HOTAIR: variants seen among roughly 807,000 people sequenced by gnomAD.
The protein encoded by HOTAIR is HOX transcript antisense RNA (non-protein coding).
rs1222020729 is a variant in HOTAIR at position 53,973,553 on chromosome 12, C to T, written n.59+1345G>A. 1 of 1,613,096 alleles carries T rather than the reference C, an allele frequency of 6.2e-7. No homozygotes were observed. The highest frequency in any genetic ancestry group is 1.7e-5 in the Admixed American group (1 of 60,030). On this transcript the variant is annotated intron_variant and non_coding_transcript_variant, in intron 1 of 6. Coordinates refer to ENST00000424518, the Ensembl canonical transcript of HOTAIR. The surrounding 1 kb of genome is among the most constrained non-coding windows in gnomAD (Gnocchi z 4.3). ...CCGACGAGCTTATGCACCGGGAGTG[C>T]CTGCCTCCTTCCACCGTCACCGAGA...
At chr12:53,974,051 A>G in intron 1 of HOTAIR, 1 of 603,546 alleles carries the variant, frequency 1.7e-6, no homozygotes, top group East Asian at 3.9e-5. Flanking sequence ...TTTTATGTGG[A>G]GTTTTATAAG....
chr12:53,963,450 C>A (rs1349299764), exon 7 of HOTAIR: 11 of 152,270 alleles, frequency 7.2e-5, no homozygotes, highest in Admixed American at 3.9e-4. Context: ...CCAGAACCCT[C>A]TGACATTTGC....
rs919338272 is a variant in HOTAIR at position 53,973,072 on chromosome 12, C to G, written n.59+1826G>C. ...GATCTTACCTAAGAGAGAACCCCTC[C>G]TACGTCTGCGAAGTGCTCCGAACTG... is the stretch of plus-strand genomic sequence containing the variant. On this transcript the variant is annotated intron_variant and non_coding_transcript_variant, in intron 1 of 6. Transcript: ENST00000424518. This position sits in a 1 kb window ranked among gnomAD's most constrained non-coding sequence, Gnocchi z 4.3. 1.8e-6 allele frequency: 1 copy of G among 560,674 alleles called. No homozygotes were observed. Among genetic ancestry groups the G allele is most frequent in the Non-Finnish European group, 3.1e-6 (1 of 323,154 alleles). 34.7% of individuals were successfully genotyped at this position (560,674 alleles called of 1,614,324 possible).
chr12:53,969,040 A>G (rs1939107380), intron 1 of HOTAIR: 1 of 152,250 alleles, frequency 6.6e-6, no homozygotes, highest in Non-Finnish European at 1.5e-5. Context: ...GCCTTAATGT[A>G]GGAGCTAAAG....
intron 1 of HOTAIR, among the ~76,000 whole-genome samples, chr12:53,972,669 A>G (rs535812597): frequency 1.3e-5 from 2 of 152,272 alleles, no homozygotes; most frequent in South Asian, 2.1e-4. Flanking sequence ...TGCGGGTTGG[A>G]AGGGTAAGAG....
intron 1 of HOTAIR, chr12:53,974,038 C>A: frequency 1.3e-6 from 1 of 799,280 alleles, no homozygotes; most frequent in Non-Finnish European, 1.9e-6. Context: ...TGGGTCAGTC[C>A]GATTTTATGT....
chr12:53,967,760 G>T (rs919445267), intron 2 of HOTAIR, among the ~76,000 whole-genome samples: 27 of 152,194 alleles, frequency 1.8e-4, no homozygotes, highest in African/African-American at 6.0e-4. Flanking sequence ...CCCCTAGTGT[G>T]GGAAAGATAG....
Position 53,973,919 on chromosome 12 carries a change from C to T in HOTAIR, n.59+979G>A. On this transcript the variant is annotated intron_variant and non_coding_transcript_variant, in intron 1 of 6. Transcript: ENST00000424518. The surrounding 1 kb of genome is among the most constrained non-coding windows in gnomAD (Gnocchi z 4.3). ...CCAAGGAGCCGGCCAAAGGAGCCGC[C>T]CCCAGTAGGTAGCAGCGGCCGGGGA... The T allele has an allele frequency of 9.0e-6, 13 of 1,441,456 alleles. No homozygotes were observed. The highest frequency in any genetic ancestry group is 1.2e-5 in the Non-Finnish European group (13 of 1,095,238). 89.3% of individuals were successfully genotyped at this position (1,441,456 alleles called of 1,614,324 possible).
intron 1 of HOTAIR, among the ~76,000 whole-genome samples, chr12:53,974,081 T>C (rs1048088496): frequency 6.7e-6 from 1 of 148,438 alleles, no homozygotes; most frequent in Non-Finnish European, 1.5e-5. Flanking sequence ...GATTTTATTA[T>C]AACCTACAAA....
Position 53,973,758 on chromosome 12 carries a change from G to A in HOTAIR, n.59+1140C>T, listed in dbSNP as rs747007822. On this transcript the variant is annotated intron_variant and non_coding_transcript_variant, in intron 1 of 6. Coordinates refer to ENST00000424518, the Ensembl canonical transcript of HOTAIR. The surrounding 1 kb of genome is among the most constrained non-coding windows in gnomAD (Gnocchi z 4.3). ...CCCGCCCGCCGAGCCCCCCTGCTCCGGCAAGGGCGAGGCCAAGGGGGAGCC... is the reference window on the plus strand; with the variant it reads ...CCCGCCCGCCGAGCCCCCCTGCTCCAGCAAGGGCGAGGCCAAGGGGGAGCC... 35 of 1,612,214 alleles carry A rather than the reference G, an allele frequency of 2.2e-5. No individual in the cohort carries two copies. Among genetic ancestry groups the A allele is most frequent in the Middle Eastern group, 3.3e-4 (2 of 6,082 alleles).
intron 1 of HOTAIR, among the ~76,000 whole-genome samples, chr12:53,970,357 C>G (rs1158925760): frequency 6.6e-6 from 1 of 152,162 alleles, no homozygotes; most frequent in Admixed American, 6.5e-5. Context: ...GAGGGTGCAG[C>G]CTAGGGCAAA....
intron 1 of HOTAIR, among the ~76,000 whole-genome samples, chr12:53,970,160 G>A (rs141766548): frequency 1.4e-3 from 220 of 152,348 alleles, no homozygotes; most frequent in Non-Finnish European, 1.2e-3. Flanking sequence ...GGGGAGGGCC[G>A]GATGGCCCTG....
intron 1 of HOTAIR, among the ~76,000 whole-genome samples, chr12:53,970,626 G>A (rs1253064474): frequency 6.6e-6 from 1 of 152,162 alleles, no homozygotes; most frequent in Non-Finnish European, 1.5e-5. Context: ...AGTCTCTGTT[G>A]GGAGACCCCA....
At chr12:53,965,225 A>C (rs1939029657) in intron 5 of HOTAIR, among the ~76,000 whole-genome samples, 1 of 152,234 alleles carries the variant, frequency 6.6e-6, no homozygotes, top group Non-Finnish European at 1.5e-5. Flanking sequence ...GGTGAACCAC[A>C]ATTTGGTACT....
chr12:53,973,272 T>C lies in HOTAIR; in HGVS notation n.59+1626A>G. The C allele has an allele frequency of 6.2e-7, 1 of 1,612,306 alleles. No homozygotes were observed. The highest frequency in any genetic ancestry group is 8.5e-7 in the Non-Finnish European group (1 of 1,179,550). ...TAACTCGGTCAACCTGGGCAACTTC[T>C]GCTCTCCGTCGCGCAAGGAGAGGGG... On this transcript the variant is annotated intron_variant and non_coding_transcript_variant, in intron 1 of 6. Coordinates refer to ENST00000424518, the Ensembl canonical transcript of HOTAIR. The surrounding 1 kb of genome is among the most constrained non-coding windows in gnomAD (Gnocchi z 4.3).
chr12:53,964,036 G>C (rs949567501), exon 7 of HOTAIR: 1 of 152,156 alleles, frequency 6.6e-6, no homozygotes, highest in African/African-American at 2.4e-5. Context: ...TTTCACCTTC[G>C]TCTGGCGCTC....
In HOTAIR at chr12:53,973,460, C is replaced by A; in HGVS notation, n.59+1438G>T. ...CCCAAGTGCCCCCGGTCCGGGAGGT[C>A]TCCTACGGCCTGGAGCCATCCGGCA... is the stretch of plus-strand genomic sequence containing the variant. On this transcript the variant is annotated intron_variant and non_coding_transcript_variant, in intron 1 of 6. Coordinates refer to ENST00000424518, the Ensembl canonical transcript of HOTAIR. This position sits in a 1 kb window ranked among gnomAD's most constrained non-coding sequence, Gnocchi z 4.3. 1 of 1,614,192 alleles carries A rather than the reference C, an allele frequency of 6.2e-7. No individual in the cohort carries two copies. The highest frequency in any genetic ancestry group is 8.5e-7 in the Non-Finnish European group (1 of 1,180,038).
In HOTAIR at chr12:53,973,990, A is replaced by AG; in HGVS notation, n.59+907dup. ...GGAGCGAGAGAGGGAGGGCGAGAGA[A>AG]GGGGGGAGGCAAGGGGAGCGGGGAC... On this transcript the variant is annotated intron_variant and non_coding_transcript_variant, in intron 1 of 6. Coordinates refer to ENST00000424518, the Ensembl canonical transcript of HOTAIR. This position sits in a 1 kb window ranked among gnomAD's most constrained non-coding sequence, Gnocchi z 4.3. The AG allele has an allele frequency of 3.7e-6, 5 of 1,339,056 alleles. No individual in the cohort carries two copies. The highest frequency in any genetic ancestry group is 4.9e-6 in the Non-Finnish European group (5 of 1,015,830). 82.9% of individuals were successfully genotyped at this position (1,339,056 alleles called of 1,614,324 possible).
chr12:53,962,638 AT>A (rs1413499618), exon 7 of HOTAIR: 1 of 151,278 alleles, frequency 6.6e-6, no homozygotes, highest in Admixed American at 6.6e-5. Context: ...TTAAGACACA[AT>A]TCTCTAGCAA....
Sources: allele counts gnomAD v4.1 joint callset (sites outside exome capture counted in the v4.1 genomes callset), GRCh38; gene constraint gnomAD v4.1.1; non-coding constraint Gnocchi (gnomAD v3.1); transcripts MANE v1.5; gene names NCBI Gene and HGNC (gene_info 2026-07-23, HGNC 2026-07-21).